TENM3: variants seen among roughly 807,000 people sequenced by gnomAD.
The protein encoded by TENM3 is teneurin-3.
TENM3 carries 63 observed loss-of-function variants against 255.1 expected under a neutral mutation model. That is an observed-to-expected ratio of 0.25 (90% CI 0.20 to 0.30). TENM3 has a LOEUF of 0.30. Ranked by LOEUF, TENM3 falls within the 10% of genes least tolerant of loss-of-function variation. The pLI, the probability that TENM3 is intolerant of heterozygous loss-of-function variation, is 1.00. For missense variants in TENM3, 2,929 were observed against 3,461.1 expected, an observed-to-expected ratio of 0.85 and a Z score of 3.86; for synonymous variants, 1,306 against 1,322.3, an observed-to-expected ratio of 0.99 and a Z score of 0.27.
At chr4:181,696,683 A>G in the TENM3 span, among the ~76,000 whole-genome samples, 1 of 152,228 alleles carries the variant, frequency 6.6e-6, no homozygotes, top group Non-Finnish European at 1.5e-5. Context: ...ATAAGACTGT[A>G]CGCACTCACT....
the TENM3 span, among the ~76,000 whole-genome samples, chr4:182,088,788 C>G: frequency 6.7e-6 from 1 of 150,030 alleles, no homozygotes; most frequent in African/African-American, 2.5e-5. Flanking sequence ...GAGCTGAGGT[C>G]GGGCCACTGC....
chr4:182,705,303 A>G (rs574095767), intron 12 of TENM3, among the ~76,000 whole-genome samples: 197 of 152,318 alleles, frequency 1.3e-3, no homozygotes, highest in Middle Eastern at 6.8e-3. Context: ...AGTATTATGA[A>G]ATGCTCAATG....
the TENM3 span, among the ~76,000 whole-genome samples, chr4:181,581,221 G>A: frequency 6.6e-6 from 1 of 152,030 alleles, no homozygotes; most frequent in South Asian, 2.1e-4. Context: ...CTGGTGGATC[G>A]CTTGAGCTCA....
At chr4:181,797,028 G>T in the TENM3 span, among the ~76,000 whole-genome samples, 2 of 152,070 alleles carry the variant, frequency 1.3e-5, no homozygotes, top group Non-Finnish European at 1.5e-5. Flanking sequence ...GCCAGAGTGT[G>T]AGCCCCTCCC....
chr4:182,776,518 A>G (rs1006258189), intron 24 of TENM3, among the ~76,000 whole-genome samples: 3 of 152,194 alleles, frequency 2.0e-5, no homozygotes, highest in Non-Finnish European at 4.4e-5. Context: ...AGCTTGCTGG[A>G]TAGTAAAATT....
At chr4:182,249,348 T>A (rs961172505) in intron 1 of TENM3, among the ~76,000 whole-genome samples, 4 of 152,246 alleles carry the variant, frequency 2.6e-5, no homozygotes, top group African/African-American at 7.2e-5. Context: ...TAAGCTGTGA[T>A]AACAAATAAT....
intron 5 of TENM3, among the ~76,000 whole-genome samples, chr4:182,652,862 T>C (rs1202701826): frequency 6.6e-6 from 1 of 152,196 alleles, no homozygotes; most frequent in Non-Finnish European, 1.5e-5. Context: ...TAACCTTCCT[T>C]AGGGGTTAGT....
chr4:182,731,240 T>A, intron 16 of TENM3, 101 bp downstream of exon 16: 1 of 1,237,816 alleles, frequency 8.1e-7, no homozygotes, highest in Middle Eastern at 2.7e-4. Flanking sequence ...GCACGGTGGC[T>A]CACTCCTGTA....
At chr4:181,932,218 AG>A in the TENM3 span, among the ~76,000 whole-genome samples, 1 of 152,230 alleles carries the variant, frequency 6.6e-6, no homozygotes, top group African/African-American at 2.4e-5. Context: ...AACTATCATC[AG>A]AGTGAACAGG....
At position 182,800,479 on chromosome 4, in the gene TENM3, C is replaced by T; in HGVS notation, c.*128C>T. The T allele has an allele frequency of 8.4e-7, 1 of 1,184,880 alleles. No homozygotes were observed. Among genetic ancestry groups the T allele is most frequent in the East Asian group, 2.8e-5 (1 of 36,340 alleles). 73.4% of individuals were successfully genotyped at this position (1,184,880 alleles called of 1,614,324 possible). The stretch of plus-strand genomic sequence containing the variant: ...AATGAGACTGCTGTTACGACCCACA[C>T]CCACACCGCGAAAACAAGGACCGCT... On this transcript the variant is annotated 3_prime_UTR_variant, in exon 28 of 28. Transcript: ENST00000511685.
chr4:181,480,789 T>A, the TENM3 span, among the ~76,000 whole-genome samples: 9 of 149,058 alleles, frequency 6.0e-5, no homozygotes, highest in East Asian at 3.9e-4. Context: ...AGAGGTATAA[T>A]ATAGATGTAT....
At chr4:182,652,665 A>C (rs973151773) in intron 5 of TENM3, among the ~76,000 whole-genome samples, 1 of 152,204 alleles carries the variant, frequency 6.6e-6, no homozygotes, top group Non-Finnish European at 1.5e-5. Context: ...CAGTGCCGTT[A>C]CTTTATGTAT....
chr4:181,542,287 C>T, the TENM3 span, among the ~76,000 whole-genome samples: 8 of 152,204 alleles, frequency 5.3e-5, no homozygotes, highest in African/African-American at 1.2e-4. Context: ...TGGAGAGCAG[C>T]GAGCCAGACA....
At chr4:182,065,339 C>T in the TENM3 span, among the ~76,000 whole-genome samples, 13 of 152,064 alleles carry the variant, frequency 8.5e-5, no homozygotes, top group Non-Finnish European at 1.5e-4. Flanking sequence ...CCGGCAAAAC[C>T]GGATAATTTA....
intron 2 of TENM3, among the ~76,000 whole-genome samples, chr4:182,325,362 T>C (rs1763323742): frequency 6.6e-6 from 1 of 152,200 alleles, no homozygotes; most frequent in South Asian, 2.1e-4. Context: ...TGAAATAGTG[T>C]TCACTCACCC....
the TENM3 span, among the ~76,000 whole-genome samples, chr4:181,468,961 A>G: frequency 6.6e-6 from 1 of 152,200 alleles, no homozygotes; most frequent in Non-Finnish European, 1.5e-5. Context: ...TTGGTATATC[A>G]GTTTGTAAAT....
At chr4:181,549,170 T>A in the TENM3 span, among the ~76,000 whole-genome samples, 1 of 152,090 alleles carries the variant, frequency 6.6e-6, no homozygotes, top group East Asian at 1.9e-4. Context: ...CACCCCAACC[T>A]ACTGGCTGCC....
At chr4:181,625,884 T>C in the TENM3 span, among the ~76,000 whole-genome samples, 2 of 151,526 alleles carry the variant, frequency 1.3e-5, no homozygotes, top group Non-Finnish European at 2.9e-5. Context: ...CAAAGTAGAG[T>C]GGGAATAAAA....
chr4:181,483,457 A>G, the TENM3 span, among the ~76,000 whole-genome samples: 1 of 152,152 alleles, frequency 6.6e-6, no homozygotes, highest in African/African-American at 2.4e-5. Flanking sequence ...TTTCAGACTC[A>G]TCTGCAAGTC....
Sources: allele counts gnomAD v4.1 joint callset (sites outside exome capture counted in the v4.1 genomes callset), GRCh38; gene constraint gnomAD v4.1.1; transcripts MANE v1.5; gene names NCBI Gene and HGNC (gene_info 2026-07-23, HGNC 2026-07-21).